The following PTK2B variants were observed in gnomAD, a reference collection of about 807,000 sequenced individuals.
The protein encoded by PTK2B is protein-tyrosine kinase 2-beta.
A neutral mutation model predicts 142.9 loss-of-function variants in PTK2B; 71 were observed. The ratio of observed to expected loss-of-function variants is 0.50; its 90% CI spans 0.41 to 0.61. The LOEUF (loss-of-function observed/expected upper bound fraction) is 0.61. Among genes scored for constraint, PTK2B ranks in the 20% least tolerant of loss-of-function variants. The pLI, the probability that PTK2B is intolerant of heterozygous loss-of-function variation, is 0.00. For synonymous variants in PTK2B, 519 were observed against 503.4 expected (o/e 1.03, Z -0.42); for missense variants, 1,105 against 1,320.4 (o/e 0.84, Z 2.53).
chr8:27,363,935 C>CG lies in PTK2B; in HGVS notation c.-37-33611dup, dbSNP rs1805866170. ...GCAGGGCTAAGATTAGACTAGGGCCCGGCCGCCTGTCTTGACACATGCGCA... is the reference window on the plus strand; with the variant it reads ...GCAGGGCTAAGATTAGACTAGGGCCCGGGCCGCCTGTCTTGACACATGCGCA... On this transcript the variant is annotated intron_variant, in intron 1 of 30. Transcript: ENST00000346049. This position sits in a 1 kb window ranked among gnomAD's most constrained non-coding sequence, Gnocchi z 4.3. 6.6e-6 allele frequency among the ~76,000 whole-genome samples: 1 copy of CG among 152,118 alleles called. No individual in the cohort carries two copies. Among genetic ancestry groups the CG allele is most frequent in the African/African-American group, 2.4e-5 (1 of 41,424 alleles).
chr8:27,420,056 C>A lies in PTK2B; in HGVS notation c.366C>A (p.His122Gln). 1 of 1,614,092 alleles carries A rather than the reference C, an allele frequency of 6.2e-7. No homozygotes were observed. The highest frequency in any genetic ancestry group is 8.5e-7 in the Non-Finnish European group (1 of 1,180,014). ...TGCAGGACAAGTATGAGTGTCTGCA[C>A]GTGGAAGCCGAGTGGAGGTAGGAGT... is the stretch of plus-strand genomic sequence containing the variant. ...GEVQDKYECL[H>Q]VEAEWRYDLQ... The change falls in exon 3 of 31, where the codon CAC becomes CAA. Residue 122 changes from histidine to glutamine, a missense_variant. Coordinates refer to ENST00000346049, the MANE Select transcript of PTK2B (RefSeq NM_173176.3).
At chr8:27,428,487 A>T (rs1184727346) in intron 5 of PTK2B, among the ~76,000 whole-genome samples, 1 of 152,218 alleles carries the variant, frequency 6.6e-6, no homozygotes, top group African/African-American at 2.4e-5. Context: ...ACAGAGAAGT[A>T]AGGGTAGGGA....
intron 2 of PTK2B, among the ~76,000 whole-genome samples, chr8:27,410,617 G>T (rs1427083932): frequency 6.6e-6 from 1 of 152,198 alleles, no homozygotes; most frequent in Non-Finnish European, 1.5e-5. Context: ...AGAAATAGGT[G>T]AGCCTGAGAA....
intron 21 of PTK2B, 91 bp from the exon 22 acceptor site, chr8:27,442,784 T>C: frequency 8.9e-7 from 1 of 1,124,566 alleles, no homozygotes; most frequent in Non-Finnish European, 1.3e-6. Context: ...TGCCCAGGCC[T>C]CTCTGGGCCT....
At chr8:27,336,163 A>G (rs1456910860) in intron 1 of PTK2B, among the ~76,000 whole-genome samples, 1 of 152,204 alleles carries the variant, frequency 6.6e-6, no homozygotes, top group East Asian at 1.9e-4. Flanking sequence ...GAGGGGCTGT[A>G]GATTTGAACT....
chr8:27,314,222 C>T (rs918181302), intron 3 of PTK2B, among the ~76,000 whole-genome samples: 1 of 152,208 alleles, frequency 6.6e-6, no homozygotes, highest in African/African-American at 2.4e-5. Flanking sequence ...GAAAATGAGC[C>T]ATTTCCAGTC....
intron 2 of PTK2B, among the ~76,000 whole-genome samples, chr8:27,411,825 C>T (rs148409740): frequency 1.3e-3 from 204 of 152,360 alleles, no homozygotes; most frequent in Non-Finnish European, 2.4e-3. Flanking sequence ...CCTCCCCTTA[C>T]ACCCCAATTG....
chr8:27,433,956 G>A, intron 11 of PTK2B, 137 bp from the exon 12 acceptor site: 1 of 1,214,168 alleles, frequency 8.2e-7, no homozygotes, highest in South Asian at 1.2e-5. Context: ...GGCCTCACTA[G>A]CTCCCAGGCT....
At chr8:27,350,744 C>T (rs1248336117) in intron 1 of PTK2B, among the ~76,000 whole-genome samples, 1 of 151,246 alleles carries the variant, frequency 6.6e-6, no homozygotes, top group Admixed American at 6.6e-5. Flanking sequence ...TTTGGGAGGC[C>T]GAGGCAGGTC....
intron 1 of PTK2B, among the ~76,000 whole-genome samples, chr8:27,381,393 C>A (rs1200584919): frequency 6.6e-6 from 1 of 152,222 alleles, no homozygotes; most frequent in Non-Finnish European, 1.5e-5. Flanking sequence ...CTTCTGTGAG[C>A]TCAACTTTTT....
At chr8:27,435,901 C>T in intron 14 of PTK2B, 108 bp downstream of exon 14, 7 of 1,383,702 alleles carry the variant, frequency 5.1e-6, no homozygotes, top group Non-Finnish European at 5.1e-6. Context: ...TTTATCCTCC[C>T]TTCGTGCTAG....
At chr8:27,376,200 G>C (rs1349694722) in intron 1 of PTK2B, among the ~76,000 whole-genome samples, 27 of 152,250 alleles carry the variant, frequency 1.8e-4, no homozygotes, top group Admixed American at 1.8e-3. Flanking sequence ...GGGAGCTGTA[G>C]AGTGGGTTCA....
chr8:27,318,789 T>C (rs1263669519), intron 3 of PTK2B, among the ~76,000 whole-genome samples: 1 of 152,144 alleles, frequency 6.6e-6, no homozygotes, highest in Non-Finnish European at 1.5e-5. Flanking sequence ...TAGCTGGAAT[T>C]ACAGGTATGC....
chr8:27,332,604 C>T (rs897944065), intron 1 of PTK2B, among the ~76,000 whole-genome samples: 7 of 151,910 alleles, frequency 4.6e-5, no homozygotes, highest in African/African-American at 1.7e-4. Flanking sequence ...CATTTCGAGA[C>T]AGAATCTCAC....
chr8:27,310,617 CT>C (rs2130349560), upstream of PTK2B, among the ~76,000 whole-genome samples: 1 of 152,388 alleles, frequency 6.6e-6, no homozygotes, highest in East Asian at 1.9e-4. Flanking sequence ...GCACGGGCCC[CT>C]GGGCCGACCT....
chr8:27,402,610 C>CT (rs1317208272), intron 2 of PTK2B, among the ~76,000 whole-genome samples: 1 of 152,190 alleles, frequency 6.6e-6, no homozygotes, highest in African/African-American at 2.4e-5. Flanking sequence ...GTAGCATGGC[C>CT]TAGGGTATTA....
At chr8:27,426,184 G>T (rs772888919) in intron 5 of PTK2B, among the ~76,000 whole-genome samples, 1 of 152,190 alleles carries the variant, frequency 6.6e-6, no homozygotes. Flanking sequence ...GCTTCAAAAG[G>T]CATCTTGGTT....
upstream of PTK2B, chr8:27,311,134 C>T: frequency 6.2e-7 from 1 of 1,603,350 alleles, no homozygotes; most frequent in Non-Finnish European, 8.5e-7. Flanking sequence ...GGCCGCAGCG[C>T]AGAGTGACTG....
intron 5 of PTK2B, among the ~76,000 whole-genome samples, chr8:27,429,088 G>C (rs921228618): frequency 6.6e-6 from 1 of 152,100 alleles, no homozygotes; most frequent in African/African-American, 2.4e-5. Flanking sequence ...TGTGTTTTTA[G>C]TAGAGACAAG....
Sources: gnomAD v4.1 joint callset for allele counts (sites outside exome capture counted in the v4.1 genomes callset) on GRCh38, gnomAD v4.1.1 for gene constraint, Gnocchi (gnomAD v3.1) non-coding constraint, MANE v1.5 for transcripts, NCBI Gene and HGNC (gene_info 2026-07-23, HGNC 2026-07-21) for gene names.